The following PDE3B variants were observed in gnomAD, a reference collection of about 807,000 sequenced individuals.
PDE3B encodes the protein phosphodiesterase 3B.
PDE3B carries 66 observed loss-of-function variants against 116.8 expected under a neutral mutation model. The observed-to-expected ratio is 0.56, with a 90% confidence interval of 0.46 to 0.69. The LOEUF is 0.69. Ranked by LOEUF, PDE3B falls within the 30% of genes least tolerant of loss-of-function variation. The pLI, the probability that PDE3B is intolerant of heterozygous loss-of-function variation, is 0.00. For synonymous variants in PDE3B, 595 were observed against 533.6 expected, an observed-to-expected ratio of 1.12 and a Z score of -1.59; for missense variants, 1,384 against 1,368.1, an observed-to-expected ratio of 1.01 and a Z score of -0.18.
chr11:14,789,985 G>A (rs935533611), intron 4 of PDE3B, among the ~76,000 whole-genome samples: 1 of 151,860 alleles, frequency 6.6e-6, no homozygotes, highest in African/African-American at 2.4e-5. Context: ...ATATAATATT[G>A]GAATTGGCAC....
chr11:14,810,600 C>T (rs926593877), intron 5 of PDE3B, among the ~76,000 whole-genome samples: 107 of 151,578 alleles, frequency 7.1e-4, no homozygotes, highest in African/African-American at 2.6e-3. Flanking sequence ...CAAGTCTTTG[C>T]TATTGTGAAT....
intron 2 of PDE3B, 25 bp from the exon 3 acceptor site, chr11:14,786,412 A>C: frequency 2.5e-6 from 4 of 1,592,922 alleles, no homozygotes; most frequent in Non-Finnish European, 3.4e-6. Context: ...CAAATGAATG[A>C]AAATTTCACT....
chr11:14,844,785 A>G (rs1397460141), intron 12 of PDE3B, among the ~76,000 whole-genome samples: 3 of 152,214 alleles, frequency 2.0e-5, no homozygotes, highest in Admixed American at 6.5e-5. Flanking sequence ...GGCTGGGGAA[A>G]GGGCGCCCGC....
At chr11:14,891,022 T>C in the PDE3B span, 1 of 985,468 alleles carries the variant, frequency 1.0e-6, no homozygotes, top group Non-Finnish European at 1.2e-6. Context: ...TAAAAGGCTG[T>C]ATCTGCCTTC....
chr11:14,736,767 T>C (rs1856611528), intron 1 of PDE3B, among the ~76,000 whole-genome samples: 1 of 152,100 alleles, frequency 6.6e-6, no homozygotes, highest in Non-Finnish European at 1.5e-5. Flanking sequence ...AAGGGAGAAA[T>C]GAAGGTTCCA....
At chr11:14,855,459 A>C (rs1409693043) in intron 12 of PDE3B, among the ~76,000 whole-genome samples, 2 of 152,224 alleles carry the variant, frequency 1.3e-5, no homozygotes, top group African/African-American at 4.8e-5. Context: ...ACTGGAATGA[A>C]GTCTCTAAAA....
chr11:14,775,268 CA>C (rs927458469), intron 2 of PDE3B: 9 of 152,128 alleles, frequency 5.9e-5, no homozygotes, highest in Admixed American at 3.3e-4. Context: ...TGTACTTCAA[CA>C]ATTTCATATT....
At chr11:14,803,113 G>A (rs1858821955) in intron 4 of PDE3B, among the ~76,000 whole-genome samples, 1 of 152,162 alleles carries the variant, frequency 6.6e-6, no homozygotes, top group Admixed American at 6.5e-5. Flanking sequence ...TAAGTTAGGG[G>A]GGAATAAAAG....
At chr11:14,885,088 T>C in the PDE3B span, among the ~76,000 whole-genome samples, 1 of 152,208 alleles carries the variant, frequency 6.6e-6, no homozygotes, top group Non-Finnish European at 1.5e-5. Context: ...GTAAGCAAGA[T>C]ATTGTTAAAT....
intron 1 of PDE3B, among the ~76,000 whole-genome samples, chr11:14,669,216 T>A (rs1854288148): frequency 1.3e-5 from 2 of 152,064 alleles, no homozygotes; most frequent in African/African-American, 4.8e-5. Flanking sequence ...TAGAGGAGCA[T>A]CACTAACCAG....
intron 1 of PDE3B, among the ~76,000 whole-genome samples, chr11:14,687,055 ATTATGT>A (rs1253263494): frequency 6.6e-6 from 1 of 152,164 alleles, no homozygotes; most frequent in African/African-American, 2.4e-5. Context: ...ATGCAGGTGT[ATTATGT>A]TATATTTATT....
In PDE3B at chr11:14,856,730, C is replaced by T. The variant is rs537388377; in HGVS notation, c.2521-2313C>T. ...TTAGCTGGGCGTGGTGGCGGGCACC[C>T]GTAGTCCCAGCTACTCGGGAGGCTG... On this transcript the variant is annotated intron_variant, in intron 12 of 15. Coordinates refer to ENST00000282096, the MANE Select transcript of PDE3B (RefSeq NM_000922.4). 6.3e-4 allele frequency among the ~76,000 whole-genome samples: 95 copies of T among 151,862 alleles called. 2 individuals are homozygous for T. The highest frequency in any genetic ancestry group is 1.6e-3 in the African/African-American group (67 of 41,396).
At chr11:14,765,097 A>C (rs931189012) in intron 1 of PDE3B, among the ~76,000 whole-genome samples, 3 of 152,186 alleles carry the variant, frequency 2.0e-5, no homozygotes, top group African/African-American at 7.2e-5. Flanking sequence ...GCATAGAAAA[A>C]GTTGGAAACA....
chr11:14,695,604 T>C (rs1464219132), intron 1 of PDE3B, among the ~76,000 whole-genome samples: 1 of 152,078 alleles, frequency 6.6e-6, no homozygotes, highest in Non-Finnish European at 1.5e-5. Flanking sequence ...TTACTGGACC[T>C]GTTAACCCAT....
intron 1 of PDE3B, among the ~76,000 whole-genome samples, chr11:14,767,381 GTAT>G (rs1857525460): frequency 1.3e-5 from 2 of 151,268 alleles, no homozygotes; most frequent in African/African-American, 2.4e-5. Context: ...TCTTTGTGTG[GTAT>G]TATCACATGC....
chr11:14,790,168 A>G (rs1858339340), intron 4 of PDE3B, among the ~76,000 whole-genome samples: 1 of 151,958 alleles, frequency 6.6e-6, no homozygotes, highest in South Asian at 2.1e-4. Context: ...GTGGTTTATT[A>G]ATTTGAATCT....
Position 14,832,702 on chromosome 11 carries a change from T to G in PDE3B, c.2095-20T>G. On this transcript the variant is annotated intron_variant, in intron 9 of 15. Coordinates refer to ENST00000282096, the MANE Select transcript of PDE3B (RefSeq NM_000922.4). ...GAAATTCTGATTTTTAAAGTAAACTTTATTTTAATTGACATTTAGGTTATG... is the reference window on the plus strand; with the variant it reads ...GAAATTCTGATTTTTAAAGTAAACTGTATTTTAATTGACATTTAGGTTATG... 1 of 908,692 alleles carries G rather than the reference T, an allele frequency of 1.1e-6. No homozygotes were observed. Among genetic ancestry groups the G allele is most frequent in the Non-Finnish European group, 1.7e-6 (1 of 586,802 alleles). The allele number at this position is 908,692 out of a possible 1,614,324, so 56.3% of individuals were successfully genotyped here.
At chr11:14,747,929 T>G (rs1856959459) in intron 1 of PDE3B, among the ~76,000 whole-genome samples, 1 of 152,208 alleles carries the variant, frequency 6.6e-6, no homozygotes, top group Admixed American at 6.5e-5. Context: ...AGTCACTATT[T>G]GACTTACCAC....
intron 7 of PDE3B, among the ~76,000 whole-genome samples, chr11:14,829,011 G>A (rs1184415013): frequency 6.6e-6 from 1 of 152,066 alleles, no homozygotes; most frequent in African/African-American, 2.4e-5. Context: ...CCTTTGCAGG[G>A]ACATGGATGG....
Sources: allele counts gnomAD v4.1 joint callset (sites outside exome capture counted in the v4.1 genomes callset), GRCh38; gene constraint gnomAD v4.1.1; transcripts MANE v1.5; gene names NCBI Gene and HGNC (gene_info 2026-07-23, HGNC 2026-07-21).